The following LRRN2 variants were observed in gnomAD, a reference collection of about 807,000 sequenced individuals.
The protein encoded by LRRN2 is leucine rich repeat neuronal 2.
In LRRN2, 10 loss-of-function variants were observed where a neutral mutation model predicts 35.7. That is an observed-to-expected ratio of 0.28 (90% CI 0.17 to 0.47). LRRN2 has a LOEUF of 0.47. LRRN2 is among the 20% of genes least tolerant of loss of function. The pLI, the probability that LRRN2 is intolerant of heterozygous loss-of-function variation, is 0.99. For synonymous variants in LRRN2, 391 were observed against 409.6 expected (o/e 0.95, Z 0.55); for missense variants, 731 against 940.3 (o/e 0.78, Z 2.91).
intron 1 of LRRN2, among the ~76,000 whole-genome samples, chr1:204,657,261 C>G (rs1414371690): frequency 1.3e-5 from 2 of 151,900 alleles, no homozygotes; most frequent in African/African-American, 4.8e-5. Context: ...GCCAAGATCA[C>G]CCCATTGCAC....
rs181676996 is a variant in LRRN2 at position 204,623,195 on chromosome 1, C to T, written c.-226-2977G>A. On this transcript the variant is annotated intron_variant, in intron 1 of 1. Coordinates refer to ENST00000367177, the MANE Select transcript of LRRN2 (RefSeq NM_201630.2). ...TGGAGAGGGGTCTTCAGCTGGGCCC[C>T]AGCATCTCCCTGACCTTTAGACCCT... 8.9e-4 allele frequency among the ~76,000 whole-genome samples: 135 copies of T among 152,294 alleles called. 1 individual carries two copies. The highest frequency in any genetic ancestry group is 3.2e-3 in the African/African-American group (134 of 41,546).
intron 1 of LRRN2, among the ~76,000 whole-genome samples, chr1:204,671,575 T>C (rs1218279066): frequency 2.3e-5 from 3 of 128,088 alleles, no homozygotes; most frequent in Non-Finnish European, 4.7e-5. Context: ...GGAGGATTCT[T>C]AAAAATGATG....
At chr1:204,643,053 C>T (rs1345325892) in intron 1 of LRRN2, among the ~76,000 whole-genome samples, 2 of 152,122 alleles carry the variant, frequency 1.3e-5, no homozygotes, top group Non-Finnish European at 2.9e-5. Context: ...AGACAGATAA[C>T]CCAAAGCTCT....
At chr1:204,640,187 C>G (rs1418455464) in intron 1 of LRRN2, among the ~76,000 whole-genome samples, 6 of 152,124 alleles carry the variant, frequency 3.9e-5, no homozygotes, top group Admixed American at 3.9e-4. Flanking sequence ...GGTGAAGGCC[C>G]GCTTCCTGGT....
At chr1:204,673,037 C>A (rs369343004) in intron 1 of LRRN2, among the ~76,000 whole-genome samples, 1 of 152,142 alleles carries the variant, frequency 6.6e-6, no homozygotes, top group Non-Finnish European at 1.5e-5. Flanking sequence ...AGGGCCACCC[C>A]CTCTCTGCTA....
At chr1:204,683,714 G>A (rs1669003446) in intron 1 of LRRN2, among the ~76,000 whole-genome samples, 1 of 152,190 alleles carries the variant, frequency 6.6e-6, no homozygotes, top group Non-Finnish European at 1.5e-5. Flanking sequence ...TTAGTTCCAT[G>A]CTTTGCAAAT....
chr1:204,659,187 C>T (rs183889116), intron 1 of LRRN2, among the ~76,000 whole-genome samples: 3 of 152,252 alleles, frequency 2.0e-5, no homozygotes, highest in South Asian at 2.1e-4. Flanking sequence ...CTCTAATCCA[C>T]GGATTCATGA....
chr1:204,658,792 A>T (rs1167483372), intron 1 of LRRN2, among the ~76,000 whole-genome samples: 1 of 152,194 alleles, frequency 6.6e-6, no homozygotes, highest in African/African-American at 2.4e-5. Context: ...AATTGTACTG[A>T]CATTTCTTAT....
chr1:204,665,905 A>C (rs1175731422), intron 1 of LRRN2, among the ~76,000 whole-genome samples: 1 of 152,168 alleles, frequency 6.6e-6, no homozygotes, highest in Non-Finnish European at 1.5e-5. Context: ...AAAACACCCC[A>C]GTAGACTTTT....
At chr1:204,633,731 C>T (rs893900177) in intron 1 of LRRN2, among the ~76,000 whole-genome samples, 1 of 152,252 alleles carries the variant, frequency 6.6e-6, no homozygotes, top group Non-Finnish European at 1.5e-5. Context: ...CCCGATCCCA[C>T]ATCACCCTCT....
At chr1:204,663,285 C>T (rs1329177202) in intron 1 of LRRN2, among the ~76,000 whole-genome samples, 3 of 152,158 alleles carry the variant, frequency 2.0e-5, no homozygotes, top group African/African-American at 4.8e-5. Flanking sequence ...ATAAACTGTA[C>T]CGCATCACCA....
intron 1 of LRRN2, among the ~76,000 whole-genome samples, chr1:204,665,739 A>C (rs948931422): frequency 6.6e-6 from 1 of 152,232 alleles, no homozygotes; most frequent in Non-Finnish European, 1.5e-5. Flanking sequence ...TGCCCAGGAC[A>C]GAGACTAGTC....
chr1:204,682,464 G>A (rs1159340348), intron 1 of LRRN2, among the ~76,000 whole-genome samples: 1 of 152,124 alleles, frequency 6.6e-6, no homozygotes, highest in Non-Finnish European at 1.5e-5. Flanking sequence ...AGATATCATA[G>A]GGCCAAATCA....
intron 1 of LRRN2, chr1:204,621,968 G>A (rs986204647): frequency 1.8e-5 from 3 of 167,122 alleles, no homozygotes; most frequent in African/African-American, 7.2e-5. Flanking sequence ...CATGAGATAA[G>A]CACTAATACC....
Position 204,618,657 on chromosome 1 carries a change from G to A in LRRN2, c.1336C>T (p.Arg446Trp), listed in dbSNP as rs750176080. The A allele has an allele frequency of 3.1e-6, 5 of 1,607,506 alleles. No individual in the cohort carries two copies. Among genetic ancestry groups the A allele is most frequent in the South Asian group, 1.1e-5 (1 of 89,634 alleles). ...TCGGGTTCGGGTTCGGCCAGTGCCC[G>A]GCAATGCAGCACCATGCTCTCTCCA... Reference protein sequence around the residue: ...ASGESMVLHCRALAEPEPEIY... With the variant: ...ASGESMVLHCWALAEPEPEIY... The change falls in exon 2 of 2, where the codon CGG (arginine) becomes TGG (tryptophan). Residue 446 changes from arginine to tryptophan, a missense_variant. Physicochemically the swap from Arg to Trp is moderately radical, Grantham distance 101. Around this residue, in one of 3 missense-constraint regions of LRRN2, gnomAD observed 256 missense variants for 392.4 expected, o/e 0.65. Transcript: ENST00000367177.
chr1:204,630,531 G>A (rs567051425), intron 1 of LRRN2, among the ~76,000 whole-genome samples: 5 of 152,230 alleles, frequency 3.3e-5, no homozygotes, highest in South Asian at 4.2e-4. Flanking sequence ...GTCACGCCGC[G>A]GAAGGAGTCC....
At chr1:204,627,673 G>C (rs1667499665) in intron 1 of LRRN2, among the ~76,000 whole-genome samples, 2 of 152,268 alleles carry the variant, frequency 1.3e-5, no homozygotes, top group African/African-American at 2.4e-5. Flanking sequence ...GAGCCAGCCT[G>C]TTGGGGGCAC....
intron 1 of LRRN2, among the ~76,000 whole-genome samples, chr1:204,678,958 G>A (rs548473893): frequency 6.6e-6 from 1 of 152,168 alleles, no homozygotes; most frequent in South Asian, 2.1e-4. Flanking sequence ...ATTCACTGCT[G>A]TCTGCCCTCA....
At position 204,681,598 on chromosome 1, in the gene LRRN2, G is replaced by A. The variant is rs192299978; in HGVS notation, c.-227+3722C>T. ...TCTCTACTCTGACGGTGAACTCCTT[G>A]AAGGCAGGGACATCTGATCTGTCTC... On this transcript the variant is annotated intron_variant, in intron 1 of 1. Transcript: ENST00000367177. 2.4e-3 allele frequency among the ~76,000 whole-genome samples: 363 copies of A among 152,284 alleles called. 4 individuals carry two copies. The highest frequency in any genetic ancestry group is 8.4e-3 in the African/African-American group (350 of 41,552).
Sources: gnomAD v4.1 joint callset for allele counts (sites outside exome capture counted in the v4.1 genomes callset) on GRCh38, gnomAD v4.1.1 for gene constraint, gnomAD v4.1.1 regional missense constraint, MANE v1.5 for transcripts, NCBI Gene and HGNC (gene_info 2026-07-23, HGNC 2026-07-21) for gene names.